The following CHD2 variants were observed in gnomAD, a reference collection of about 807,000 sequenced individuals.
CHD2 encodes the protein chromodomain helicase DNA binding protein 2.
In CHD2, 28 loss-of-function variants were observed where a neutral mutation model predicts 243.9. That is an observed-to-expected ratio of 0.11 (90% CI 0.09 to 0.16). The LOEUF (loss-of-function observed/expected upper bound fraction) is 0.16. Among genes scored for constraint, CHD2 ranks in the 10% least tolerant of loss-of-function variants. The pLI is 1.00. For missense variants in CHD2, 1,386 were observed against 2,209.8 expected (o/e 0.63, Z 7.47); for synonymous variants, 775 against 779.0 (o/e 0.99, Z 0.09).
In CHD2 at chr15:92,997,497, T is replaced by C; in HGVS notation, c.3885+94T>C. The C allele has an allele frequency of 8.6e-7, 1 of 1,160,932 alleles. No individual in the cohort carries two copies. The highest frequency in any genetic ancestry group is 1.2e-6 in the Non-Finnish European group (1 of 853,366). 71.9% of individuals were successfully genotyped at this position (1,160,932 alleles called of 1,614,324 possible). A position where few individuals can be genotyped will look rare whatever the true frequency, so the allele number is the denominator to read the frequency against. On this transcript the variant is annotated intron_variant, in intron 30 of 38. Coordinates refer to ENST00000394196, the MANE Select transcript of CHD2 (RefSeq NM_001271.4). The surrounding 1 kb of genome is among the most constrained non-coding windows in gnomAD (Gnocchi z 4.1). ...ATTTCTAACTATTTTCGAGGGGGCA[T>C]CAAATTAGAAATTAGTATAGTCATT...
chr15:93,023,258 A>T (rs552110185), intron 38 of CHD2, among the ~76,000 whole-genome samples: 1 of 152,250 alleles, frequency 6.6e-6, no homozygotes, highest in African/African-American at 2.4e-5. Context: ...TAGACATTTC[A>T]TATAGAAAGA....
At chr15:92,992,806 TAAG>T (rs2054137794) in intron 27 of CHD2, 50 bp from the exon 28 acceptor site, 10 of 1,599,622 alleles carry the variant, frequency 6.3e-6, no homozygotes, top group Non-Finnish European at 8.5e-6. Context: ...TCATGACACT[TAAG>T]AAGAGTGGGC....
rs2053365277 is a variant in CHD2, at chr15:92,940,936, AAAATAT to A, written c.693-884_693-879del. Among the ~76,000 whole-genome samples the A allele has an allele frequency of 2.2e-5, 3 of 138,022 alleles. No homozygotes were observed. In the Admixed American group the frequency reaches 2.3e-4, roughly 11 times the overall value. The allele number at this position is 138,022 out of a possible 152,430, so 90.5% of individuals were successfully genotyped here. On this transcript the variant is annotated intron_variant, in intron 7 of 38. Transcript: ENST00000394196. ...TATAAATATACATATAAATATATAT[AAAATAT>A]ATATAAATATAAATATATATAAATA...
intron 16 of CHD2, among the ~76,000 whole-genome samples, chr15:92,966,887 G>A (rs1299648563): frequency 6.7e-6 from 1 of 148,396 alleles, no homozygotes; most frequent in Non-Finnish European, 1.5e-5. Flanking sequence ...TCCAGCCTGG[G>A]CGACGGAGCG....
intron 24 of CHD2, among the ~76,000 whole-genome samples, chr15:92,983,266 G>A (rs1430323308): frequency 2.0e-5 from 3 of 152,188 alleles, no homozygotes; most frequent in African/African-American, 7.2e-5. Flanking sequence ...ATAAAAACCT[G>A]CACTTGTGTA....
intron 4 of CHD2, 145 bp from the exon 5 acceptor site, chr15:92,928,885 C>A: frequency 1.7e-6 from 1 of 598,610 alleles, no homozygotes; most frequent in Non-Finnish European, 2.8e-6. Context: ...GGAGTTCCAC[C>A]AAGCAAGTGC....
chr15:92,999,333 A>T (rs1242476728), intron 31 of CHD2, among the ~76,000 whole-genome samples: 1 of 152,120 alleles, frequency 6.6e-6, no homozygotes, highest in African/African-American at 2.4e-5. Flanking sequence ...GGTTCTTGTA[A>T]TAGTGGATCC....
intron 18 of CHD2, 22 bp from the exon 19 acceptor site, chr15:92,972,243 G>A (rs772286598): frequency 3.8e-6 from 6 of 1,596,582 alleles, no homozygotes; most frequent in African/African-American, 2.7e-5. Flanking sequence ...CATAATTATT[G>A]GAATGTCTTT....
rs2054585848 is a variant in CHD2 at position 93,026,237 on chromosome 15, C to G, written c.*1532C>G. ...TACAGTGTGCCTGTAAGTGTCCAGG[C>G]TCAGAGCTGGTGAAAACCCTTCTGT... is the stretch of plus-strand genomic sequence containing the variant. On this transcript the variant is annotated 3_prime_UTR_variant, in exon 39 of 39. Transcript: ENST00000394196. 1 of 152,630 alleles carries G rather than the reference C, an allele frequency of 6.6e-6. No homozygotes were observed. Among genetic ancestry groups the G allele is most frequent in the Non-Finnish European group, 1.5e-5 (1 of 68,042 alleles). The allele number at this position is 152,630 out of a possible 1,614,324, so 9.5% of individuals were successfully genotyped here. A position where few individuals can be genotyped will look rare whatever the true frequency, so the allele number is the denominator to read the frequency against.
At chr15:93,002,801 G>C (rs1467328884) in intron 33 of CHD2, among the ~76,000 whole-genome samples, 1 of 152,116 alleles carries the variant, frequency 6.6e-6, no homozygotes, top group African/African-American at 2.4e-5. Flanking sequence ...CAAAGAATTT[G>C]GTACAGTGTT....
chr15:92,910,011 A>C (rs916893963), intron 2 of CHD2, among the ~76,000 whole-genome samples: 7 of 149,362 alleles, frequency 4.7e-5, no homozygotes, highest in African/African-American at 1.7e-4. Context: ...CATATATATA[A>C]ATTTTTTCTT....
intron 37 of CHD2, among the ~76,000 whole-genome samples, chr15:93,018,455 G>A (rs2054489978): frequency 6.6e-6 from 1 of 152,222 alleles, no homozygotes; most frequent in Admixed American, 6.5e-5. Flanking sequence ...GCATGTCTTT[G>A]ATCTTCACAT....
intron 2 of CHD2, 94 bp downstream of exon 2, chr15:92,901,393 C>A: frequency 1.3e-6 from 1 of 770,812 alleles, no homozygotes; most frequent in Non-Finnish European, 2.2e-6. Context: ...GGATTGCTGT[C>A]TGTTTTATTG....
intron 6 of CHD2, among the ~76,000 whole-genome samples, chr15:92,938,899 C>T (rs1240646426): frequency 2.0e-5 from 3 of 152,102 alleles, no homozygotes; most frequent in African/African-American, 7.2e-5. Context: ...GGTAGTATTC[C>T]AGGTATATTT....
intron 26 of CHD2, among the ~76,000 whole-genome samples, chr15:92,987,046 A>T (rs929190272): frequency 6.6e-6 from 1 of 151,890 alleles, no homozygotes; most frequent in Non-Finnish European, 1.5e-5. Flanking sequence ...TAGTTGTTCT[A>T]CCCATTATTG....
intron 26 of CHD2, among the ~76,000 whole-genome samples, chr15:92,986,523 C>T (rs1185025307): frequency 2.0e-5 from 3 of 151,962 alleles, no homozygotes; most frequent in Non-Finnish European, 4.4e-5. Flanking sequence ...GTAACACATC[C>T]CCTCTTGTGC....
chr15:92,941,658 A>AG (rs1596395179), intron 7 of CHD2, among the ~76,000 whole-genome samples, 164 bp from the exon 8 acceptor site: 2 of 152,206 alleles, frequency 1.3e-5, no homozygotes, highest in Non-Finnish European at 2.9e-5. Context: ...TCAGCACTTT[A>AG]GGAAAAAAAA....
At chr15:93,021,932 T>C (rs2054539062) in intron 38 of CHD2, 1 of 152,330 alleles carries the variant, frequency 6.6e-6, no homozygotes, top group South Asian at 2.1e-4. Flanking sequence ...TCTGTATTCC[T>C]GTAAGTATTC....
chr15:92,901,350 C>T, intron 2 of CHD2, 51 bp downstream of exon 2: 2 of 1,070,738 alleles, frequency 1.9e-6, no homozygotes, highest in Non-Finnish European at 2.8e-6. Flanking sequence ...GGGGGAGAAA[C>T]CTCAGCTTAC....
Sources: gnomAD v4.1 joint callset for allele counts (sites outside exome capture counted in the v4.1 genomes callset) on GRCh38, gnomAD v4.1.1 for gene constraint, Gnocchi (gnomAD v3.1) non-coding constraint, MANE v1.5 for transcripts, NCBI Gene and HGNC (gene_info 2026-07-23, HGNC 2026-07-21) for gene names.